The following TWF1 variants were observed in gnomAD, a reference collection of about 807,000 sequenced individuals.
TWF1 encodes twinfilin actin binding protein 1.
Under a neutral mutation model 47.9 loss-of-function variants are expected in TWF1, and 14 were observed. The observed-to-expected ratio is 0.29, with a 90% CI of 0.19 to 0.46. The LOEUF (loss-of-function observed/expected upper bound fraction) is 0.46. Ranked by LOEUF, TWF1 falls within the 20% of genes least tolerant of loss-of-function variation. The pLI is 1.00. For missense variants in TWF1, 281 were observed against 409.3 expected, an observed-to-expected ratio of 0.69 and a Z score of 2.70; for synonymous variants, 96 against 139.2, an observed-to-expected ratio of 0.69 and a Z score of 2.18.
At chr12:43,804,335 C>T (rs1942717514) in intron 2 of TWF1, 160 bp downstream of exon 2, 4 of 601,406 alleles carry the variant, frequency 6.7e-6, no homozygotes, top group Non-Finnish European at 1.2e-5. Context: ...ATTAGGGGCC[C>T]ATAGGGACCT....
intron 5 of TWF1, chr12:43,798,534 A>G: frequency 6.7e-7 from 1 of 1,497,492 alleles, no homozygotes; most frequent in Non-Finnish European, 8.8e-7. Flanking sequence ...TTGGTTAATG[A>G]AAACATCATA....
At chr12:43,806,059 C>A (rs549450813) in intron 1 of TWF1, 162 bp downstream of exon 1, 3 of 1,518,680 alleles carry the variant, frequency 2.0e-6, no homozygotes, top group African/African-American at 1.4e-5. Flanking sequence ...CGGCAGCGCC[C>A]GGGAAGCAGG....
intron 8 of TWF1, 122 bp downstream of exon 8, chr12:43,796,854 G>T (rs1368485622): frequency 4.8e-6 from 5 of 1,047,478 alleles, no homozygotes; most frequent in Non-Finnish European, 7.0e-6. Flanking sequence ...AGATCCTAAG[G>T]ATTTAGGATG....
intron 5 of TWF1, chr12:43,798,574 A>G (rs753796096): frequency 2.2e-5 from 33 of 1,526,708 alleles, no homozygotes; most frequent in Non-Finnish European, 2.7e-5. Context: ...CCCCAATATG[A>G]TCCTCTGGGC....
At chr12:43,798,581 G>A (rs1479800116) in intron 5 of TWF1, 1 of 1,522,840 alleles carries the variant, frequency 6.6e-7, no homozygotes, top group Admixed American at 2.1e-5. Context: ...ATGATCCTCT[G>A]GGCTCTGATT....
intron 2 of TWF1, chr12:43,804,247 C>A (rs1426263025): frequency 2.0e-6 from 1 of 496,180 alleles, no homozygotes. Flanking sequence ...GAAACTGAGA[C>A]ACAAAAAGTA....
At position 43,795,610 on chromosome 12, in the gene TWF1, G is replaced by A. The variant is rs34896077; in HGVS notation, c.1028C>T (p.Ala343Val). ...RGIRRLIRGP[A>V]ETEATTD ...TTAATCAGTAGTAGCTTCAGTTTCC[G>A]CTGGGCCCCTAATTAGTCTTCGAAT... Residue 343 changes from alanine to valine, a missense_variant, in exon 9 of 9, where the codon GCG (alanine) becomes GTG (valine). Physicochemically the swap from Ala to Val is moderately conservative, Grantham distance 64. Coordinates refer to ENST00000395510, the MANE Select transcript of TWF1 (RefSeq NM_002822.5). 3.3e-4 allele frequency: 530 copies of A among 1,611,928 alleles called. 1 individual carries two copies. Among genetic ancestry groups the A allele is most frequent in the Middle Eastern group, 2.0e-3 (9 of 4,596 alleles).
In TWF1 at chr12:43,806,307, C is replaced by A; in HGVS notation, c.-62G>T. On this transcript the variant is annotated 5_prime_UTR_variant, in exon 1 of 9. Transcript: ENST00000395510. ...GCAGCCAGCGGCCCCGGCCGGCGGC[C>A]CCAGGAAGTGGCTGCTCCTCCGCCG... The A allele has an allele frequency of 7.0e-7, 1 of 1,428,520 alleles. No individual in the cohort carries two copies. Among genetic ancestry groups the A allele is most frequent in the South Asian group, 1.4e-5 (1 of 70,138 alleles). 88.5% of individuals were successfully genotyped at this position (1,428,520 alleles called of 1,614,324 possible). A position where few individuals can be genotyped will look rare whatever the true frequency, so the allele number is the denominator to read the frequency against.
At chr12:43,805,860 G>A in intron 1 of TWF1, 9 of 1,421,510 alleles carry the variant, frequency 6.3e-6, no homozygotes, top group Non-Finnish European at 8.4e-6. Flanking sequence ...TGAAGCCCCA[G>A]TCGCCTCCAC....
intron 3 of TWF1, among the ~76,000 whole-genome samples, chr12:43,801,822 G>A (rs894370424): frequency 6.6e-6 from 1 of 152,072 alleles, no homozygotes; most frequent in Non-Finnish European, 1.5e-5. Context: ...TTAAGGCCAC[G>A]AGTTTGAGAC....
At position 43,800,488 on chromosome 12, in the gene TWF1, T is replaced by G. The variant is rs551313176; in HGVS notation, c.325A>C (p.Lys109Gln). The G allele has an allele frequency of 2.5e-6, 4 of 1,613,900 alleles. No homozygotes were observed. The African/African-American group carries it at 5.3e-5, about 22-fold the overall frequency. The change falls in exon 4 of 9, where the codon AAG becomes CAG. Residue 109 changes from lysine to glutamine, a missense_variant. Transcript: ENST00000395510. Reference sequence around the variant, plus strand: ...ATGTGGCCACCTCCAAATTCCTTCTTCAGAGTTGCTCTTGTTGCTGCATAC... The same window carrying G: ...ATGTGGCCACCTCCAAATTCCTTCTGCAGAGTTGCTCTTGTTGCTGCATAC... Reference protein sequence around the residue: ...MLYAATRATLKKEFGGGHIKD... With the variant: ...MLYAATRATLQKEFGGGHIKD...
intron 3 of TWF1, 42 bp from the exon 4 acceptor site, chr12:43,800,572 A>G (rs573907287): frequency 9.5e-6 from 14 of 1,477,498 alleles, no homozygotes; most frequent in Admixed American, 5.2e-5. Context: ...AGATGAAAAC[A>G]TAACATTACA....
Position 43,806,221 on chromosome 12 carries a change from C to G in TWF1, c.25G>C (p.Ala9Pro). 1 of 1,540,670 alleles carries G rather than the reference C, an allele frequency of 6.5e-7. No homozygotes were observed. Among genetic ancestry groups the G allele is most frequent in the East Asian group, 2.5e-5 (1 of 40,222 alleles). The change falls in exon 1 of 9, where the codon GCA (alanine) becomes CCA (proline). Residue 9 changes from alanine (A) to proline (P), a missense_variant and splice_region_variant. Ala to Pro is a conservative substitution (Grantham distance 27). Coordinates refer to ENST00000395510, the MANE Select transcript of TWF1 (RefSeq NM_002822.5). Reference sequence around the variant, plus strand: ...TGCGAGTCGCGCCGGGCGCTGTTACCTTGGATGCCGGTCTGGTGGGACATG... The same window carrying G: ...TGCGAGTCGCGCCGGGCGCTGTTACGTTGGATGCCGGTCTGGTGGGACATG... MSHQTGIQ[A>P]SEDVKEIFAR... is the part of the protein sequence containing the mutation.
chr12:43,802,160 A>C, intron 3 of TWF1, 126 bp downstream of exon 3: 1 of 569,722 alleles, frequency 1.8e-6, no homozygotes, highest in Non-Finnish European at 2.8e-6. Flanking sequence ...CAATCCAAGG[A>C]TTTTCCTCAT....
intron 5 of TWF1, 34 bp from the exon 6 acceptor site, chr12:43,797,867 A>C: frequency 6.2e-7 from 1 of 1,604,432 alleles, no homozygotes; most frequent in Non-Finnish European, 8.5e-7. Context: ...CAAGTTTAGC[A>C]GTTAGCAGTA....
rs769447532 is a variant in TWF1 at position 43,800,423 on chromosome 12, C to A, written c.378+12G>T. 85 of 1,598,098 alleles carry A rather than the reference C, an allele frequency of 5.3e-5. No homozygotes were observed. Among genetic ancestry groups the A allele is most frequent in the Non-Finnish European group, 7.2e-5 (84 of 1,170,044 alleles). Reference sequence around the variant, plus strand: ...AATTGCAACATATAGAATCCACATACAAACATAATACCTTTACTGTTCCAA... The same window carrying A: ...AATTGCAACATATAGAATCCACATAAAAACATAATACCTTTACTGTTCCAA... On this transcript the variant is annotated intron_variant, in intron 4 of 8. Transcript: ENST00000395510.
chr12:43,800,557 T>C (rs1448858141), intron 3 of TWF1, 27 bp from the exon 4 acceptor site: 3 of 1,548,518 alleles, frequency 1.9e-6, no homozygotes, highest in Admixed American at 1.7e-5. Flanking sequence ...GTTTACTTAG[T>C]TTATAGATGA....
In TWF1 at chr12:43,797,132, T is replaced by G. The variant is rs752395489; in HGVS notation, c.761-35A>C. The G allele has an allele frequency of 9.7e-6, 15 of 1,546,018 alleles. No individual in the cohort carries two copies. In the South Asian group the frequency reaches 1.7e-4, roughly 17 times the overall value. On this transcript the variant is annotated intron_variant, in intron 7 of 8. Coordinates refer to ENST00000395510, the MANE Select transcript of TWF1 (RefSeq NM_002822.5). ...CAAATAATAACAAATATAATTAGCA[T>G]ATCAATACATAAACTTCATAAAACT...
chr12:43,805,587 G>A (rs1942746205), intron 1 of TWF1: 1 of 468,994 alleles, frequency 2.1e-6, no homozygotes, highest in Non-Finnish European at 4.2e-6. Flanking sequence ...ATATTGAACT[G>A]TCTGCACGCA....
Sources: allele counts gnomAD v4.1 joint callset (sites outside exome capture counted in the v4.1 genomes callset), GRCh38; gene constraint gnomAD v4.1.1; transcripts MANE v1.5; gene names NCBI Gene and HGNC (gene_info 2026-07-23, HGNC 2026-07-21).